FRY: variants seen among roughly 807,000 people sequenced by gnomAD.
The protein encoded by FRY is FRY microtubule binding protein.
FRY carries 128 observed loss-of-function variants against 348.4 expected under a neutral mutation model. That is an observed-to-expected ratio of 0.37 (90% CI 0.32 to 0.43). The LOEUF (loss-of-function observed/expected upper bound fraction) is 0.43. Ranked by LOEUF, FRY falls within the 20% of genes least tolerant of loss-of-function variation. The pLI is 1.00. For missense variants in FRY, 2,736 were observed against 3,695.2 expected (o/e 0.74, Z 6.73); for synonymous variants, 1,370 against 1,374.7 (o/e 1.00, Z 0.08).
intron 35 of FRY, among the ~76,000 whole-genome samples, chr13:32,213,450 C>G (rs780676528): frequency 1.3e-5 from 2 of 152,190 alleles, no homozygotes; most frequent in African/African-American, 4.8e-5. Context: ...CAGCAGATCA[C>G]GAATTATAGA....
chr13:32,054,829 T>A (rs1273312865), intron 1 of FRY, among the ~76,000 whole-genome samples: 6 of 152,032 alleles, frequency 3.9e-5, no homozygotes, highest in Non-Finnish European at 8.8e-5. Context: ...GAGCTGAGAT[T>A]GCGCCACTGC....
rs908205090 is a variant in FRY at position 32,298,351 on chromosome 13, T to C, written c.*2891T>C. The C allele has an allele frequency of 3.3e-5, 5 of 152,266 alleles. No individual in the cohort carries two copies. Among genetic ancestry groups the C allele is most frequent in the Admixed American group, 1.3e-4 (2 of 15,284 alleles). 9.4% of individuals were successfully genotyped at this position (152,266 alleles called of 1,614,324 possible). ...TCCATAGGTGAGTATTAGGGTATGT[T>C]CATTGTATCTCAATGAAACTAGTTT... On this transcript the variant is annotated 3_prime_UTR_variant, in exon 61 of 61. Coordinates refer to ENST00000542859, the MANE Select transcript of FRY (RefSeq NM_023037.3).
At chr13:32,108,163 G>A (rs1004898602) in intron 3 of FRY, among the ~76,000 whole-genome samples, 3 of 152,162 alleles carry the variant, frequency 2.0e-5, no homozygotes, top group Non-Finnish European at 4.4e-5. Flanking sequence ...CCTTGACATA[G>A]GCCTGCATGT....
chr13:32,146,956 C>G (rs906678712), intron 11 of FRY, among the ~76,000 whole-genome samples: 1 of 152,098 alleles, frequency 6.6e-6, no homozygotes, highest in East Asian at 1.9e-4. Flanking sequence ...CAGACTGATT[C>G]TCATATTGGT....
chr13:32,110,880 T>G (rs1357937094), intron 3 of FRY, among the ~76,000 whole-genome samples: 1 of 152,230 alleles, frequency 6.6e-6, no homozygotes, highest in Non-Finnish European at 1.5e-5. Context: ...CAAAGGAGCA[T>G]GTGTCAGAGC....
chr13:32,161,276 A>G (rs1429077604), intron 17 of FRY, 25 bp downstream of exon 17: 11 of 1,362,706 alleles, frequency 8.1e-6, no homozygotes, highest in Middle Eastern at 1.8e-4. Context: ...TATTTGGCCA[A>G]AATTAATTTC....
chr13:32,080,037 G>A (rs899725090), intron 2 of FRY, among the ~76,000 whole-genome samples: 5 of 152,162 alleles, frequency 3.3e-5, no homozygotes, highest in Non-Finnish European at 7.3e-5. Context: ...ACAACATAAG[G>A]TTTGGGAATC....
At chr13:32,057,808 A>G (rs1451428925) in intron 1 of FRY, among the ~76,000 whole-genome samples, 1 of 152,060 alleles carries the variant, frequency 6.6e-6, no homozygotes, top group Non-Finnish European at 1.5e-5. Flanking sequence ...AAAATACAAA[A>G]AATTAGCCGA....
chr13:32,219,581 A>AT (rs375273327), intron 36 of FRY, among the ~76,000 whole-genome samples: 11,865 of 149,454 alleles, frequency 0.079, 632 homozygotes, highest in South Asian at 0.18. Context: ...ACACGGTGAA[A>AT]CCCCATCTCT....
chr13:32,254,189 G>A, intron 50 of FRY, 35 bp from the exon 51 acceptor site: 1 of 1,610,642 alleles, frequency 6.2e-7, no homozygotes, highest in East Asian at 2.2e-5. Context: ...ACCAAAGGGA[G>A]AACGGTTTCT....
At chr13:32,136,705 C>T (rs986514040) in intron 10 of FRY, among the ~76,000 whole-genome samples, 166 bp from the exon 11 acceptor site, 3 of 152,238 alleles carry the variant, frequency 2.0e-5, no homozygotes, top group Non-Finnish European at 4.4e-5. Context: ...TTGTGAAATG[C>T]GCGCCAGTGC....
At chr13:32,087,851 T>G (rs1875983466) in intron 2 of FRY, among the ~76,000 whole-genome samples, 1 of 152,218 alleles carries the variant, frequency 6.6e-6, no homozygotes, top group African/African-American at 2.4e-5. Flanking sequence ...AAGGACAGAA[T>G]GACTACCTCT....
Position 32,184,651 on chromosome 13 carries a change from AT to A in FRY, c.3111del (p.Phe1037LeufsTer9). On this transcript the variant is annotated frameshift_variant, in exon 25 of 61. Coordinates refer to ENST00000542859, the MANE Select transcript of FRY (RefSeq NM_023037.3). LOFTEE classifies it high-confidence loss of function. Reference protein sequence around the residue: ...RDLLRLQLLRIFELLADAGVI... With the variant: ...RDLLRLQLLRXFELLADAGVI... Reference sequence around the variant, plus strand: ...CTTGTTAAGGCTACAACTACTTCGAATTTTTGAACTTTTGGCTGATGCTGGT... The same window carrying A: ...CTTGTTAAGGCTACAACTACTTCGAATTTTGAACTTTTGGCTGATGCTGGT... The A allele has an allele frequency of 6.2e-7, 1 of 1,613,662 alleles. No homozygotes were observed. Among genetic ancestry groups the A allele is most frequent in the South Asian group, 1.1e-5 (1 of 91,080 alleles).
rs1163349198 is a variant in FRY, at chr13:32,170,640, C to T, written c.1893-372C>T. ...CAACCTCAGCCTCCCAGGTTCATGCCATTCTCCTACCTCAGCCTCCCAAGT... is the reference window on the plus strand; with the variant it reads ...CAACCTCAGCCTCCCAGGTTCATGCTATTCTCCTACCTCAGCCTCCCAAGT... On this transcript the variant is annotated intron_variant, in intron 17 of 60. Coordinates refer to ENST00000542859, the MANE Select transcript of FRY (RefSeq NM_023037.3). Among the ~76,000 whole-genome samples, 6 of 152,188 alleles carry T rather than the reference C, an allele frequency of 3.9e-5. No homozygotes were observed. The East Asian group carries it at 1.2e-3, about 30-fold the overall frequency.
chr13:32,191,795 C>T (rs988789094), intron 28 of FRY, among the ~76,000 whole-genome samples: 1 of 152,100 alleles, frequency 6.6e-6, no homozygotes, highest in Non-Finnish European at 1.5e-5. Flanking sequence ...ATCTCATTCA[C>T]AGGGCTCCCC....
At chr13:32,113,476 A>C (rs61946709) in intron 3 of FRY, among the ~76,000 whole-genome samples, 34,317 of 152,180 alleles carry the variant, frequency 0.23, 3,934 homozygotes, top group Non-Finnish European at 0.25. Context: ...CAAAGTAAAC[A>C]TTAAAACATT....
intron 17 of FRY, among the ~76,000 whole-genome samples, chr13:32,167,760 C>G (rs998243698): frequency 6.6e-6 from 1 of 152,172 alleles, no homozygotes; most frequent in Non-Finnish European, 1.5e-5. Flanking sequence ...AGCTTATTTT[C>G]TAAGACCTTC....
intron 7 of FRY, 24 bp from the exon 8 acceptor site, chr13:32,131,648 A>ATCTTATGTT: frequency 6.3e-7 from 1 of 1,596,156 alleles, no homozygotes; most frequent in Non-Finnish European, 8.6e-7. Flanking sequence ...AATATTTGAT[A>ATCTTATGTT]AACCACTTAT....
In FRY at chr13:32,295,494, G is replaced by T. The variant is rs1329082062; in HGVS notation, c.*34G>T. On this transcript the variant is annotated 3_prime_UTR_variant, in exon 61 of 61. Coordinates refer to ENST00000542859, the MANE Select transcript of FRY (RefSeq NM_023037.3). ...TCCTGTCCCCACTGGGTTCCAAACT[G>T]GCAGTGCTGCCATGCTGGGGCAACG... 3.1e-6 allele frequency: 5 copies of T among 1,603,286 alleles called. No individual in the cohort carries two copies. Among genetic ancestry groups the T allele is most frequent in the Non-Finnish European group, 4.2e-6 (5 of 1,176,702 alleles).
Sources: gnomAD v4.1 joint callset for allele counts (sites outside exome capture counted in the v4.1 genomes callset) on GRCh38, gnomAD v4.1.1 for gene constraint, MANE v1.5 for transcripts, NCBI Gene and HGNC (gene_info 2026-07-23, HGNC 2026-07-21) for gene names.